The following DOK7 variants were observed in gnomAD, a reference collection of about 807,000 sequenced individuals.
DOK7 encodes the protein protein Dok-7.
In DOK7, 32 loss-of-function variants were observed where a neutral mutation model predicts 30.7. That is an observed-to-expected ratio of 1.04 (90% confidence interval 0.79 to 1.40). The LOEUF (loss-of-function observed/expected upper bound fraction) is 1.40, where lower values mean the gene tolerates loss of function less well. Ranked by LOEUF, DOK7 falls within the 40% of genes most tolerant of loss-of-function variation. The pLI is 0.00. For missense variants in DOK7, 1,007 were observed against 699.2 expected (o/e 1.44, Z -4.97); for synonymous variants, 447 against 324.1 (o/e 1.38, Z -4.07).
At chr4:3,482,154 C>T (rs1400422803) in intron 4 of DOK7, among the ~76,000 whole-genome samples, 4 of 152,192 alleles carry the variant, frequency 2.6e-5, no homozygotes, top group Admixed American at 6.5e-5. Flanking sequence ...GCCCTTTTCA[C>T]CCCCCTCCAC....
chr4:3,490,528 CGCTCATTCGTTCCTTCCTTCTCCCCCT>C (rs1451395870), intron 6 of DOK7, among the ~76,000 whole-genome samples: 7 of 93,582 alleles, frequency 7.5e-5, no homozygotes, highest in Non-Finnish European at 1.2e-4. Context: ...TTCACCCCCC[CGCTCATTCGTTCCTTCCTTCTCCCCCT>C]GCTCATTCGT....
intron 5 of DOK7, 96 bp downstream of exon 5, chr4:3,485,754 A>G: frequency 7.4e-7 from 1 of 1,349,042 alleles, no homozygotes; most frequent in African/African-American, 1.5e-5. Flanking sequence ...AGCCCCAGTT[A>G]GATGGCCAGC....
At chr4:3,485,517 T>G in intron 4 of DOK7, 22 bp from the exon 5 acceptor site, 1 of 1,571,302 alleles carries the variant, frequency 6.4e-7, no homozygotes, top group Non-Finnish European at 8.7e-7. Context: ...CAGACTGACC[T>G]GTCTCTGTCC....
chr4:3,496,151 C>T (rs1281629681), downstream of DOK7, among the ~76,000 whole-genome samples: 3 of 152,248 alleles, frequency 2.0e-5, no homozygotes, highest in Non-Finnish European at 4.4e-5. Context: ...TCTGCTCAGC[C>T]GTGGGCCGCT....
intron 5 of DOK7, among the ~76,000 whole-genome samples, chr4:3,485,889 C>CG (rs954025180): frequency 2.0e-5 from 3 of 152,156 alleles, no homozygotes; most frequent in African/African-American, 7.2e-5. Context: ...TGCTCTCCCT[C>CG]GGGGGTCCGA....
At position 3,492,915 on chromosome 4, in the gene DOK7, C is replaced by T; in HGVS notation, c.929C>T (p.Ala310Val). 1 of 1,569,696 alleles carries T rather than the reference C, an allele frequency of 6.4e-7. No homozygotes were observed. The highest frequency in any genetic ancestry group is 8.6e-7 in the Non-Finnish European group (1 of 1,160,754). ...GCAGCTGCCCAGGCCGCCGGGGAAG[C>T]CATGGTGGGTGCCTCAAGGCCACCC... Reference protein sequence around the residue: ...RPAAAQAAGEAMVGASRPPPK... With the variant: ...RPAAAQAAGEVMVGASRPPPK... The change falls in exon 7 of 7, where the codon GCC (alanine) becomes GTC (valine). Residue 310 changes from alanine (A) to valine (V), a missense_variant. Coordinates refer to ENST00000340083, the MANE Select transcript of DOK7 (RefSeq NM_173660.5).
Position 3,493,190 on chromosome 4 carries a change from C to G in DOK7, c.1204C>G (p.Arg402Gly), listed in dbSNP as rs149905649. The change falls in exon 7 of 7, where the codon CGG becomes GGG. Residue 402 changes from arginine to glycine, a missense_variant. Arg to Gly is a moderately radical substitution (Grantham distance 125, BLOSUM62 -2). Transcript: ENST00000340083. ...CGAGTACCAGGTGCCCACCTCCCTG[C>G]GGGCCCACTATGACACACCACGCAG... is the stretch of plus-strand genomic sequence containing the variant. ...TVEYQVPTSLRAHYDTPRSLC... is the reference protein window; with the variant it reads ...TVEYQVPTSLGAHYDTPRSLC... The G allele has an allele frequency of 1.9e-6, 3 of 1,610,556 alleles. No individual in the cohort carries two copies. The African/African-American group carries it at 4.0e-5, about 22-fold the overall frequency.
intron 4 of DOK7, among the ~76,000 whole-genome samples, chr4:3,483,009 G>A (rs1408785980): frequency 6.6e-6 from 1 of 151,786 alleles, no homozygotes; most frequent in Non-Finnish European, 1.5e-5. Context: ...ATCATGAAAG[G>A]TGTCGTTATG....
Position 3,490,475 on chromosome 4 carries a change from T to TCTGCTCATTCATTCCTTCATTTCTCTC in DOK7, c.772+697_772+698insATTTCTCTCCTGCTCATTCATTCCTTC, listed in dbSNP as rs1560227108. ...TGCTCATTCATTCCTTTCTTCTCCC[T>TCTGCTCATTCATTCCTTCATTTCTCTC]CTGCTCATTCATTCCTTCCTTTTCC... On this transcript the variant is annotated intron_variant, in intron 6 of 6. Coordinates refer to ENST00000340083, the MANE Select transcript of DOK7 (RefSeq NM_173660.5). Among the ~76,000 whole-genome samples the TCTGCTCATTCATTCCTTCATTTCTCTC allele has an allele frequency of 4.3e-4, 43 of 100,468 alleles. 1 individual carries two copies. Among genetic ancestry groups the TCTGCTCATTCATTCCTTCATTTCTCTC allele is most frequent in the Middle Eastern group, 6.8e-3 (1 of 146 alleles). The allele number at this position is 100,468 out of a possible 152,430, so 65.9% of individuals were successfully genotyped here.
At position 3,493,303 on chromosome 4, in the gene DOK7, C is replaced by T. The variant is rs16844467; in HGVS notation, c.1317C>T (p.Ser439=). The change falls in exon 7 of 7, where the codon TCC becomes TCT. Residue 439 remains serine, a synonymous_variant. Transcript: ENST00000340083. ...CCAGGGACTCAGGCGGCCAGACGTC[C>T]GCCGGGTGTCCCTCTGGCTGGCTGG... ...SAARDSGGQT[S]AGCPSGWLGT... The T allele has an allele frequency of 2.8e-3, 4,447 of 1,606,308 alleles. 94 individuals are homozygous for T. The African/African-American group carries it at 0.047, about 17-fold the overall frequency.
At chr4:3,478,234 G>A (rs73793926) in intron 4 of DOK7, among the ~76,000 whole-genome samples, 1 of 152,190 alleles carries the variant, frequency 6.6e-6, no homozygotes, top group Non-Finnish European at 1.5e-5. Context: ...TGCTTATTTT[G>A]TCTGGGCCAT....
intron 4 of DOK7, among the ~76,000 whole-genome samples, chr4:3,479,066 G>A (rs1241745455): frequency 6.6e-6 from 1 of 152,222 alleles, no homozygotes; most frequent in African/African-American, 2.4e-5. Context: ...GGTTCCTTCT[G>A]CAGCCTGGAG....
At chr4:3,481,195 C>A (rs1727424491) in intron 4 of DOK7, among the ~76,000 whole-genome samples, 1 of 152,004 alleles carries the variant, frequency 6.6e-6, no homozygotes, top group Admixed American at 6.6e-5. Flanking sequence ...TGTCTCGGAG[C>A]AGCAGGGAGC....
chr4:3,490,834 ATTCATTCCTTCCTTCCCCCCCACTCAT>A (rs1389769603), intron 6 of DOK7, among the ~76,000 whole-genome samples: 11 of 46,100 alleles, frequency 2.4e-4, no homozygotes, highest in Non-Finnish European at 1.8e-4. Context: ...CCTTCCCCCC[ATTCATTCCTTCCTTCCCCCCCACTCAT>A]TTCATTCCTT....
rs375167041 is a variant in DOK7, at chr4:3,491,366, TC to T, written c.773-1392del. Among the ~76,000 whole-genome samples the T allele has an allele frequency of 2.7e-3, 94 of 35,234 alleles. 1 individual carries two copies. Among genetic ancestry groups the T allele is most frequent in the East Asian group, 7.2e-3 (1 of 138 alleles). 23.1% of individuals were successfully genotyped at this position (35,234 alleles called of 152,430 possible). A position where few individuals can be genotyped will look rare whatever the true frequency, so the allele number is the denominator to read the frequency against. ...CTTCGCCTGCTTGTTCCTTCCTTCC[TC>T]TGCTCCCCCTGCTCGTTCATTCCTT... On this transcript the variant is annotated intron_variant, in intron 6 of 6. Transcript: ENST00000340083.
At chr4:3,495,659 C>G (rs748484056), downstream of DOK7, among the ~76,000 whole-genome samples, 1 of 152,202 alleles carries the variant, frequency 6.6e-6, no homozygotes, top group Admixed American at 6.5e-5. Flanking sequence ...CTCCTCAGGC[C>G]AGGGGCAACC....
In DOK7 at chr4:3,493,442, C is replaced by G. The variant is rs752278545; in HGVS notation, c.1456C>G (p.Pro486Ala). 1 of 1,607,746 alleles carries G rather than the reference C, an allele frequency of 6.2e-7. No individual in the cohort carries two copies. Among genetic ancestry groups the G allele is most frequent in the Non-Finnish European group, 8.5e-7 (1 of 1,177,626 alleles). ...EAGGPHAGPP[P>A]AFFSACPVCG... ...AGGCGGCCCCCACGCGGGGCCACCC[C>G]CGGCTTTCTTTTCGGCATGTCCAGT... The change falls in exon 7 of 7, where the codon CCG becomes GCG. Residue 486 changes from proline to alanine, a missense_variant. Coordinates refer to ENST00000340083, the MANE Select transcript of DOK7 (RefSeq NM_173660.5).
rs900391749 is a variant in DOK7 at position 3,494,028 on chromosome 4, C to T, written c.*527C>T. 4 of 989,206 alleles carry T rather than the reference C, an allele frequency of 4.0e-6. No homozygotes were observed. Among genetic ancestry groups the T allele is most frequent in the Non-Finnish European group, 4.8e-6 (4 of 832,680 alleles). The allele number at this position is 989,206 out of a possible 1,614,324, so 61.3% of individuals were successfully genotyped here. ...CTCCGTGTGCGCTGGGCCTCATCCCCATCTATGGGAGGAAACTGAAGCTCA... is the reference window on the plus strand; with the variant it reads ...CTCCGTGTGCGCTGGGCCTCATCCCTATCTATGGGAGGAAACTGAAGCTCA... On this transcript the variant is annotated 3_prime_UTR_variant, in exon 7 of 7. Coordinates refer to ENST00000340083, the MANE Select transcript of DOK7 (RefSeq NM_173660.5).
At chr4:3,499,232 C>T (rs575807777), downstream of DOK7, among the ~76,000 whole-genome samples, 22 of 152,256 alleles carry the variant, frequency 1.4e-4, no homozygotes, top group South Asian at 8.3e-4. Context: ...GGCTGTCACC[C>T]GCTGGATCCC....
Sources: gnomAD v4.1 joint callset for allele counts (sites outside exome capture counted in the v4.1 genomes callset) on GRCh38, gnomAD v4.1.1 for gene constraint, MANE v1.5 for transcripts, NCBI Gene and HGNC (gene_info 2026-07-23, HGNC 2026-07-21) for gene names.